The following COL22A1 variants were observed in gnomAD, a reference collection of about 807,000 sequenced individuals.
COL22A1 encodes the protein collagen alpha-1(XXII) chain.
A neutral mutation model predicts 248.9 loss-of-function variants in COL22A1; 221 were observed. The observed-to-expected ratio is 0.89, with a 90% CI of 0.80 to 0.99. The LOEUF (loss-of-function observed/expected upper bound fraction) is 0.99, where lower values mean the gene tolerates loss of function less well. Ranked by LOEUF, COL22A1 falls within the 50% of genes least tolerant of loss-of-function variation. COL22A1 has a pLI of 0.00. For synonymous variants in COL22A1, 891 were observed against 793.4 expected (o/e 1.12, Z -2.07); for missense variants, 2,240 against 2,179.0 (o/e 1.03, Z -0.56).
At chr8:138,725,290 TAA>T (rs1830211005) in intron 24 of COL22A1, 95 bp downstream of exon 24, 1 of 1,270,190 alleles carries the variant, frequency 7.9e-7, no homozygotes, top group Non-Finnish European at 1.2e-6. Context: ...CTTGGGTGGA[TAA>T]AAGACAAGAG....
At chr8:138,805,209 GGT>G (rs1258392366) in intron 10 of COL22A1, among the ~76,000 whole-genome samples, 1 of 142,714 alleles carries the variant, frequency 7.0e-6, no homozygotes, top group Non-Finnish European at 1.5e-5. Flanking sequence ...TGTGTGATGG[GGT>G]GTGTGTGCAT....
At chr8:138,754,585 G>A (rs1038522052) in intron 21 of COL22A1, among the ~76,000 whole-genome samples, 1 of 152,196 alleles carries the variant, frequency 6.6e-6, no homozygotes, top group Non-Finnish European at 1.5e-5. Flanking sequence ...CCTGTGGAGG[G>A]TACTGTATTC....
intron 41 of COL22A1, among the ~76,000 whole-genome samples, chr8:138,672,799 A>G (rs1825147568): frequency 6.6e-6 from 1 of 152,176 alleles, no homozygotes; most frequent in Non-Finnish European, 1.5e-5. Flanking sequence ...AATTGCTGGC[A>G]CCTGATCCAT....
intron 55 of COL22A1, among the ~76,000 whole-genome samples, chr8:138,614,810 A>G (rs1425059417): frequency 6.6e-6 from 1 of 152,204 alleles, no homozygotes; most frequent in Non-Finnish European, 1.5e-5. Flanking sequence ...CAGCTAAGAA[A>G]GCACATGTGA....
intron 55 of COL22A1, among the ~76,000 whole-genome samples, chr8:138,615,250 G>A (rs188076500): frequency 1.2e-4 from 19 of 152,290 alleles, no homozygotes; most frequent in African/African-American, 4.1e-4. Flanking sequence ...CCTTGTTCTG[G>A]CCTGGCACAG....
At chr8:138,704,400 C>G (rs1445595430) in intron 30 of COL22A1, among the ~76,000 whole-genome samples, 3 of 152,220 alleles carry the variant, frequency 2.0e-5, no homozygotes, top group African/African-American at 7.2e-5. Flanking sequence ...AAACCTCATA[C>G]AGCCAGATGC....
chr8:138,621,162 G>A (rs1287090437), intron 52 of COL22A1, among the ~76,000 whole-genome samples: 1 of 152,204 alleles, frequency 6.6e-6, no homozygotes, highest in East Asian at 1.9e-4. Context: ...ATCCCCTGGG[G>A]CCCACCCAGG....
intron 10 of COL22A1, among the ~76,000 whole-genome samples, chr8:138,805,288 G>A (rs1817421197): frequency 8.0e-6 from 1 of 124,676 alleles, no homozygotes; most frequent in Non-Finnish European, 1.6e-5. Context: ...GTGATGGTGT[G>A]TGTGGTGGTG....
intron 22 of COL22A1, among the ~76,000 whole-genome samples, chr8:138,749,921 A>T (rs966550707): frequency 1.3e-5 from 2 of 152,078 alleles, no homozygotes; most frequent in South Asian, 4.2e-4. Context: ...CCCCACCCAA[A>T]TCTCATCTTG....
intron 22 of COL22A1, among the ~76,000 whole-genome samples, chr8:138,749,072 C>G (rs1308984557): frequency 2.6e-5 from 4 of 152,160 alleles, no homozygotes; most frequent in Admixed American, 2.0e-4. Context: ...TGCCTGCTGC[C>G]ATGTAAGGCA....
intron 62 of COL22A1, among the ~76,000 whole-genome samples, chr8:138,595,188 C>G (rs907013999): frequency 6.6e-6 from 1 of 152,054 alleles, no homozygotes; most frequent in African/African-American, 2.4e-5. Flanking sequence ...TGATCACTTC[C>G]CAGAGTGTCT....
At chr8:138,735,350 C>T (rs1384906611) in intron 23 of COL22A1, among the ~76,000 whole-genome samples, 1 of 152,172 alleles carries the variant, frequency 6.6e-6, no homozygotes, top group African/African-American at 2.4e-5. Flanking sequence ...CTGAACACAT[C>T]AGGGTGCACA....
At chr8:138,679,494 T>G (rs781487330) in intron 40 of COL22A1, 123 bp downstream of exon 40, 11 of 817,556 alleles carry the variant, frequency 1.3e-5, no homozygotes, top group Non-Finnish European at 2.3e-5. Context: ...CCATCCATGT[T>G]CTAAGCTTCC....
intron 26 of COL22A1, 80 bp from the exon 27 acceptor site, chr8:138,720,872 G>A (rs1198152478): frequency 3.4e-6 from 4 of 1,159,958 alleles, no homozygotes; most frequent in Non-Finnish European, 5.2e-6. Flanking sequence ...GCACAGGTTG[G>A]AAGGAAGAGA....
chr8:138,749,596 A>G (rs1352432587), intron 22 of COL22A1, among the ~76,000 whole-genome samples: 1 of 152,234 alleles, frequency 6.6e-6, no homozygotes, highest in African/African-American at 2.4e-5. Context: ...ACCAGGGCCA[A>G]GTCCCTTGCT....
rs977650013 is a variant in COL22A1 at position 138,685,586 on chromosome 8, C to A, written c.2863-274G>T. Among the ~76,000 whole-genome samples the A allele has an allele frequency of 7.9e-5, 12 of 152,270 alleles. No homozygotes were observed. The East Asian group carries it at 2.1e-3, about 27-fold the overall frequency. On this transcript the variant is annotated intron_variant, in intron 37 of 64. Transcript: ENST00000303045. ...GATGAGGTCATACTGGAGTGTGACC[C>A]TCCCCAATGGTCCTAATCCAATATG...
intron 3 of COL22A1, among the ~76,000 whole-genome samples, chr8:138,870,131 G>C (rs577505911): frequency 1.3e-5 from 2 of 151,624 alleles, no homozygotes; most frequent in East Asian, 3.9e-4. Flanking sequence ...TGTTTGTGTG[G>C]AGGGTCTTAT....
chr8:138,797,322 T>C (rs1816634423), intron 11 of COL22A1, among the ~76,000 whole-genome samples: 1 of 152,352 alleles, frequency 6.6e-6, no homozygotes, highest in Non-Finnish European at 1.5e-5. Flanking sequence ...GTCTCTTCTG[T>C]ACATTTTTTA....
rs899272452 is a variant in COL22A1, at chr8:138,636,804, G to C, written c.3502-9C>G. 6.2e-7 allele frequency: 1 copy of C among 1,605,656 alleles called. No homozygotes were observed. The highest frequency in any genetic ancestry group is 8.5e-7 in the Non-Finnish European group (1 of 1,175,006). On this transcript the variant is annotated splice_polypyrimidine_tract_variant and intron_variant, in intron 47 of 64. Coordinates refer to ENST00000303045, the MANE Select transcript of COL22A1 (RefSeq NM_152888.3). The stretch of plus-strand genomic sequence containing the variant: ...CGTTCTCCTTGACTTCCCTTGAAAG[G>C]AAAAAAAAGAAAAGAAAGATGTCAC...
Sources: gnomAD v4.1 joint callset for allele counts (sites outside exome capture counted in the v4.1 genomes callset) on GRCh38, gnomAD v4.1.1 for gene constraint, MANE v1.5 for transcripts, NCBI Gene and HGNC (gene_info 2026-07-23, HGNC 2026-07-21) for gene names.